Variants in PCDHGA4 observed in about 807,000 individuals in gnomAD.
PCDHGA4 encodes the protein protocadherin gamma subfamily A, 4.
In PCDHGA4, 38 loss-of-function variants were observed where a neutral mutation model predicts 54.6. The observed-to-expected ratio is 0.70, with a 90% CI of 0.54 to 0.91. PCDHGA4 has a LOEUF of 0.91. PCDHGA4 is among the 40% of genes least tolerant of loss of function. The probability of loss-of-function intolerance (pLI) is 0.00; values close to 1 mark genes in which losing one functional copy is unlikely to be tolerated. For synonymous variants in PCDHGA4, 511 were observed against 512.9 expected (o/e 1.00, Z 0.05); for missense variants, 1,298 against 1,220.9 (o/e 1.06, Z -0.94).
intron 2 of PCDHGA4, among the ~76,000 whole-genome samples, chr5:141,496,827 C>A (rs1595415247): frequency 6.6e-6 from 1 of 151,780 alleles, no homozygotes; most frequent in East Asian, 1.9e-4. Context: ...TAGATGTGAT[C>A]CCAGAACTCA....
At chr5:141,449,837 T>A (rs917239289) in intron 1 of PCDHGA4, among the ~76,000 whole-genome samples, 3 of 151,742 alleles carry the variant, frequency 2.0e-5, no homozygotes, top group Non-Finnish European at 4.4e-5. Context: ...TTCTTTTATA[T>A]AATTAAATTT....
intron 2 of PCDHGA4, among the ~76,000 whole-genome samples, chr5:141,496,748 C>T (rs1382244657): frequency 6.6e-6 from 1 of 152,130 alleles, no homozygotes; most frequent in African/African-American, 2.4e-5. Flanking sequence ...ATTTATTCAA[C>T]AAATATTTAT....
chr5:141,394,941 G>C lies in PCDHGA4; in HGVS notation c.2514+37320G>C, dbSNP rs1238884149. The C allele has an allele frequency of 3.1e-6, 5 of 1,613,748 alleles. No individual in the cohort carries two copies. The East Asian group carries it at 1.1e-4, about 36-fold the overall frequency. On this transcript the variant is annotated intron_variant, in intron 1 of 3. Coordinates refer to ENST00000571252, the MANE Select transcript of PCDHGA4 (RefSeq NM_018917.4). Reference sequence around the variant, plus strand: ...CTGTGTCTTCCTCGCCTTTGTCGCTGTGCTTCTGGGGCTCAGGCTGAGGCG... The same window carrying C: ...CTGTGTCTTCCTCGCCTTTGTCGCTCTGCTTCTGGGGCTCAGGCTGAGGCG...
chr5:141,390,346 A>C, intron 1 of PCDHGA4: 1 of 1,576,446 alleles, frequency 6.3e-7, no homozygotes, highest in African/African-American at 1.4e-5. Context: ...TCACAAGAAA[A>C]TATACATATT....
At chr5:141,508,017 G>C (rs2099865601) in intron 3 of PCDHGA4, 1 of 152,310 alleles carries the variant, frequency 6.6e-6, no homozygotes, top group Non-Finnish European at 1.5e-5. Context: ...TCTCAAGGAG[G>C]CTGCGGTTTG....
chr5:141,447,208 C>T (rs1226099966), intron 1 of PCDHGA4, among the ~76,000 whole-genome samples: 1 of 152,078 alleles, frequency 6.6e-6, no homozygotes, highest in Non-Finnish European at 1.5e-5. Flanking sequence ...GGCTTGATCT[C>T]GGCTCACTGC....
intron 1 of PCDHGA4, chr5:141,374,411 G>T: frequency 6.2e-7 from 1 of 1,614,036 alleles, no homozygotes. Flanking sequence ...TAACATCCTT[G>T]TCGAGGATAA....
chr5:141,370,872 C>T (rs201155008), intron 1 of PCDHGA4: 244 of 1,613,896 alleles, frequency 1.5e-4, no homozygotes, highest in Non-Finnish European at 1.9e-4. Flanking sequence ...TGCGCAAGAT[C>T]CTGATGTAGG....
At position 141,474,586 on chromosome 5, in the gene PCDHGA4, A is replaced by T. The variant is rs149003643; in HGVS notation, c.2515-20221A>T. 7.1e-4 allele frequency among the ~76,000 whole-genome samples: 108 copies of T among 152,340 alleles called. No individual in the cohort carries two copies. The East Asian group carries it at 0.015, about 21-fold the overall frequency. The stretch of plus-strand genomic sequence containing the variant: ...TCAGAGATTAATTGAAGTGTTAAAG[A>T]CATGGAAATATAGGTCACATATGGC... On this transcript the variant is annotated intron_variant, in intron 1 of 3. Coordinates refer to ENST00000571252, the MANE Select transcript of PCDHGA4 (RefSeq NM_018917.4).
At chr5:141,403,121 C>G in intron 1 of PCDHGA4, 1 of 1,614,046 alleles carries the variant, frequency 6.2e-7, no homozygotes, top group South Asian at 1.1e-5. Flanking sequence ...TCTGGAGCCC[C>G]GGGAGCTGGC....
chr5:141,371,325 G>A (rs1335421404), intron 1 of PCDHGA4: 2 of 1,613,966 alleles, frequency 1.2e-6, no homozygotes, highest in Non-Finnish European at 8.5e-7. Context: ...GGACTTTGAA[G>A]AGAGAGATAG....
intron 1 of PCDHGA4, chr5:141,394,008 G>A: frequency 1.2e-6 from 2 of 1,613,330 alleles, no homozygotes; most frequent in South Asian, 2.2e-5. Context: ...AAAGTCAATA[G>A]GTAATTATTA....
intron 1 of PCDHGA4, among the ~76,000 whole-genome samples, chr5:141,453,360 C>T (rs966238012): frequency 6.6e-6 from 1 of 152,000 alleles, no homozygotes; most frequent in Non-Finnish European, 1.5e-5. Context: ...CCCTGAACTC[C>T]TGGGGTCAAG....
At chr5:141,421,774 C>G (rs767599830) in intron 1 of PCDHGA4, 27 of 1,613,772 alleles carry the variant, frequency 1.7e-5, no homozygotes, top group Middle Eastern at 1.6e-4. Context: ...TTCCTTGCAA[C>G]TGCGGGGCAG....
chr5:141,415,815 A>G, intron 1 of PCDHGA4: 1 of 1,337,656 alleles, frequency 7.5e-7, no homozygotes, highest in East Asian at 2.7e-5. Context: ...AGGCCTATAT[A>G]TCATAAGGCT....
chr5:141,478,011 G>A (rs1216659966), intron 1 of PCDHGA4: 1 of 1,614,088 alleles, frequency 6.2e-7, no homozygotes, highest in East Asian at 2.2e-5. Flanking sequence ...AGTACTGCCC[G>A]TCCAGTCCAA....
chr5:141,413,366 C>T (rs1452603006), intron 1 of PCDHGA4: 2 of 1,613,958 alleles, frequency 1.2e-6, no homozygotes, highest in Middle Eastern at 1.7e-4. Flanking sequence ...CGGGAGCTGG[C>T]GGAGCGCGGA....
Position 141,490,845 on chromosome 5 carries a change from G to T in PCDHGA4, c.2515-3962G>T, listed in dbSNP as rs748605746. The T allele has an allele frequency of 1.4e-5, 22 of 1,613,726 alleles. No individual in the cohort carries two copies. The highest frequency in any genetic ancestry group is 1.7e-5 in the Non-Finnish European group (20 of 1,179,894). On this transcript the variant is annotated intron_variant, in intron 1 of 3. Coordinates refer to ENST00000571252, the MANE Select transcript of PCDHGA4 (RefSeq NM_018917.4). This position sits in a 1 kb window ranked among gnomAD's most constrained non-coding sequence, Gnocchi z 5.4. ...TGCAGATGCTGCAGATTGTGGTGGG[G>T]GTTCGAGACTCCGGCTCTCCCCCAT...
intron 1 of PCDHGA4, chr5:141,393,544 A>T: frequency 6.2e-7 from 1 of 1,613,800 alleles, no homozygotes; most frequent in East Asian, 2.2e-5. Context: ...GTTTTTCCTC[A>T]CCCGATTTAC....
Sources: allele counts gnomAD v4.1 joint callset (sites outside exome capture counted in the v4.1 genomes callset), GRCh38; gene constraint gnomAD v4.1.1; non-coding constraint Gnocchi (gnomAD v3.1); transcripts MANE v1.5; gene names NCBI Gene and HGNC (gene_info 2026-07-23, HGNC 2026-07-21).